The following GIPC2 variants were observed in gnomAD, a reference collection of about 807,000 sequenced individuals.
The protein encoded by GIPC2 is GIPC PDZ domain containing family member 2.
A neutral mutation model predicts 30.6 loss-of-function variants in GIPC2; 30 were observed. That is an observed-to-expected ratio of 0.98 (90% CI 0.73 to 1.33). The LOEUF is 1.33. Among genes scored for constraint, GIPC2 ranks in the 40% most tolerant of loss-of-function variants. The pLI is 0.00. For missense variants in GIPC2, 414 were observed against 390.3 expected (o/e 1.06, Z -0.51); for synonymous variants, 167 against 150.0 (o/e 1.11, Z -0.83).
intron 1 of GIPC2, among the ~76,000 whole-genome samples, chr1:78,065,164 G>A (rs967090662): frequency 6.6e-6 from 1 of 152,118 alleles, no homozygotes; most frequent in Non-Finnish European, 1.5e-5. Context: ...TGTAGAGGTA[G>A]GATCTCATTA....
intron 2 of GIPC2, among the ~76,000 whole-genome samples, chr1:78,094,575 A>G (rs906335803): frequency 2.8e-4 from 43 of 152,104 alleles, no homozygotes; most frequent in African/African-American, 1.0e-3. Context: ...CACCTTACCC[A>G]TTCTTGGTGG....
intron 3 of GIPC2, among the ~76,000 whole-genome samples, chr1:78,104,573 G>A (rs371412843): frequency 6.6e-6 from 1 of 152,144 alleles, no homozygotes; most frequent in Non-Finnish European, 1.5e-5. Context: ...ATTAGGGGCA[G>A]CAGTGGGAAT....
At chr1:78,128,131 A>G (rs1036368769) in intron 5 of GIPC2, among the ~76,000 whole-genome samples, 1 of 152,252 alleles carries the variant, frequency 6.6e-6, no homozygotes, top group Admixed American at 6.5e-5. Context: ...TGTGCAGACA[A>G]GAAGTTAAAG....
Position 78,114,732 on chromosome 1 carries a change from A to G in GIPC2, c.608-4661A>G, listed in dbSNP as rs531374274. Among the ~76,000 whole-genome samples the G allele has an allele frequency of 2.3e-3, 351 of 152,294 alleles. 4 individuals carry two copies. Among genetic ancestry groups the G allele is most frequent in the South Asian group, 0.016 (75 of 4,828 alleles). On this transcript the variant is annotated intron_variant, in intron 3 of 5. Coordinates refer to ENST00000370759, the MANE Select transcript of GIPC2 (RefSeq NM_017655.6). ...AATGCTACAATGGTGGATATATATT[A>G]TAATATACATTTATTCAAATTCATA...
intron 1 of GIPC2, among the ~76,000 whole-genome samples, chr1:78,056,651 A>G (rs1290230219): frequency 6.6e-6 from 1 of 152,202 alleles, no homozygotes; most frequent in Admixed American, 6.5e-5. Flanking sequence ...AAGCACATAA[A>G]ACAAATGTGT....
intron 2 of GIPC2, among the ~76,000 whole-genome samples, chr1:78,081,830 T>C (rs540469321): frequency 1.3e-5 from 2 of 152,298 alleles, no homozygotes; most frequent in South Asian, 4.1e-4. Context: ...ATTTGGTTGG[T>C]ATTATGTTTT....
chr1:78,102,218 C>T (rs1401744928), intron 3 of GIPC2, among the ~76,000 whole-genome samples: 18 of 152,164 alleles, frequency 1.2e-4, no homozygotes, highest in Admixed American at 1.2e-3. Flanking sequence ...AGATTCATTT[C>T]TGTGCGGTGT....
At chr1:78,129,745 G>T (rs1420569906) in intron 5 of GIPC2, among the ~76,000 whole-genome samples, 1 of 152,188 alleles carries the variant, frequency 6.6e-6, no homozygotes, top group Non-Finnish European at 1.5e-5. Context: ...ACATGGTCTT[G>T]ACCTAACTCA....
chr1:78,078,854 A>C (rs1049752111), intron 1 of GIPC2, among the ~76,000 whole-genome samples: 140 of 151,660 alleles, frequency 9.2e-4, no homozygotes, highest in Admixed American at 5.1e-3. Flanking sequence ...AAAAAAAAAA[A>C]AACAACAAAC....
chr1:78,067,915 C>T (rs186513148), intron 1 of GIPC2, among the ~76,000 whole-genome samples: 18 of 152,270 alleles, frequency 1.2e-4, no homozygotes, highest in African/African-American at 4.1e-4. Context: ...AACCCGGACT[C>T]TCTGTGGATG....
intron 1 of GIPC2, among the ~76,000 whole-genome samples, chr1:78,050,629 C>CTTTT (rs562172009): frequency 1.4e-5 from 2 of 146,056 alleles, no homozygotes; most frequent in Non-Finnish European, 1.5e-5. Context: ...TACATACCAT[C>CTTTT]TTTTTTTTTT....
At chr1:78,061,576 C>T (rs1390847483) in intron 1 of GIPC2, among the ~76,000 whole-genome samples, 1 of 151,782 alleles carries the variant, frequency 6.6e-6, no homozygotes, top group Non-Finnish European at 1.5e-5. Flanking sequence ...TCTGGGCTCA[C>T]TGCAACCTCT....
rs1663019786 is a variant in GIPC2 at position 78,137,059 on chromosome 1, T to G, written c.*1316T>G. The G allele has an allele frequency of 6.6e-6, 1 of 152,208 alleles. No individual in the cohort carries two copies. The highest frequency in any genetic ancestry group is 6.5e-5 in the Admixed American group (1 of 15,282). The allele number at this position is 152,208 out of a possible 1,614,324, so 9.4% of individuals were successfully genotyped here. ...TTGTTTTCTGGTAAAACTTTAGTTG[T>G]ATTGCCATCCACTCCTTTTTCAAAT... is the stretch of plus-strand genomic sequence containing the variant. On this transcript the variant is annotated 3_prime_UTR_variant, in exon 6 of 6. Transcript: ENST00000370759.
At position 78,132,621 on chromosome 1, in the gene GIPC2, A is replaced by G. The variant is rs1261601655; in HGVS notation, c.797-2971A>G. Among the ~76,000 whole-genome samples, 3 of 151,482 alleles carry G rather than the reference A, an allele frequency of 2.0e-5. No homozygotes were observed. The East Asian group carries it at 5.8e-4, about 29-fold the overall frequency. ...CTGAGCTTCCTGAGGTATAAAAAAA[A>G]AATCATGTACCAAGTTGTTTCTTTT... On this transcript the variant is annotated intron_variant, in intron 5 of 5. Transcript: ENST00000370759.
intron 1 of GIPC2, among the ~76,000 whole-genome samples, chr1:78,065,020 T>C (rs1262803148): frequency 2.0e-5 from 3 of 152,148 alleles, no homozygotes; most frequent in East Asian, 3.9e-4. Context: ...GCTGGGATTA[T>C]AGGTGTGAGC....
intron 1 of GIPC2, among the ~76,000 whole-genome samples, chr1:78,061,564 G>A (rs562818466): frequency 2.0e-5 from 3 of 151,682 alleles, no homozygotes; most frequent in Non-Finnish European, 4.4e-5. Flanking sequence ...GCAGTGGTGC[G>A]ATCTGGGCTC....
chr1:78,046,020 C>T lies in GIPC2; in HGVS notation c.-75C>T. On this transcript the variant is annotated 5_prime_UTR_variant, in exon 1 of 6. Transcript: ENST00000370759. Reference sequence around the variant, plus strand: ...GCTTTTACCTGCGCGGGGCCCGGGGCGCAAAGTCCGAGGCGCCGGGGGGAG... The same window carrying T: ...GCTTTTACCTGCGCGGGGCCCGGGGTGCAAAGTCCGAGGCGCCGGGGGGAG... 3.6e-6 allele frequency: 5 copies of T among 1,395,404 alleles called. No individual in the cohort carries two copies. Among genetic ancestry groups the T allele is most frequent in the Non-Finnish European group, 4.6e-6 (5 of 1,077,424 alleles). The allele number at this position is 1,395,404 out of a possible 1,614,324, so 86.4% of individuals were successfully genotyped here. A position where few individuals can be genotyped will look rare whatever the true frequency, so the allele number is the denominator to read the frequency against.
At chr1:78,113,891 T>G (rs1358298819) in intron 3 of GIPC2, among the ~76,000 whole-genome samples, 1 of 152,070 alleles carries the variant, frequency 6.6e-6, no homozygotes, top group Non-Finnish European at 1.5e-5. Context: ...AACTCATTCT[T>G]ATGGAGTCTA....
intron 5 of GIPC2, among the ~76,000 whole-genome samples, chr1:78,130,261 G>A (rs535945048): frequency 6.6e-6 from 1 of 151,734 alleles, no homozygotes; most frequent in Admixed American, 6.6e-5. Context: ...CACCACCATG[G>A]CCAGCTAATT....
Sources: gnomAD v4.1 joint callset for allele counts (sites outside exome capture counted in the v4.1 genomes callset) on GRCh38, gnomAD v4.1.1 for gene constraint, MANE v1.5 for transcripts, NCBI Gene and HGNC (gene_info 2026-07-23, HGNC 2026-07-21) for gene names.